Variants in ASTN2 observed in about 807,000 individuals in gnomAD.
ASTN2 encodes the protein astrotactin-2.
ASTN2 carries 54 observed loss-of-function variants against 139.8 expected under a neutral mutation model. The ratio of observed to expected loss-of-function variants is 0.39; its 90% CI spans 0.31 to 0.48. The LOEUF is 0.48. ASTN2 is among the 20% of genes least tolerant of loss of function. The pLI, the probability that ASTN2 is intolerant of heterozygous loss-of-function variation, is 0.95. For synonymous variants in ASTN2, 756 were observed against 719.5 expected (o/e 1.05, Z -0.81); for missense variants, 1,565 against 1,725.1 (o/e 0.91, Z 1.64).
At chr9:117,142,665 A>G (rs1353725973) in intron 3 of ASTN2, among the ~76,000 whole-genome samples, 1 of 152,216 alleles carries the variant, frequency 6.6e-6, no homozygotes, top group Non-Finnish European at 1.5e-5. Context: ...TAAGGTCAGA[A>G]GGGCAGAGAG....
chr9:116,934,221 C>A (rs974507074), intron 10 of ASTN2, among the ~76,000 whole-genome samples: 2 of 151,992 alleles, frequency 1.3e-5, no homozygotes, highest in African/African-American at 4.8e-5. Context: ...TGCCTTGGAT[C>A]AAAGAAGCCC....
intron 17 of ASTN2, among the ~76,000 whole-genome samples, chr9:116,631,275 T>C (rs1482657729): frequency 3.3e-5 from 5 of 152,216 alleles, no homozygotes; most frequent in Non-Finnish European, 7.3e-5. Flanking sequence ...GTCCTGTTTA[T>C]TGCAGTACTG....
chr9:117,079,517 A>G (rs145326194), intron 5 of ASTN2, among the ~76,000 whole-genome samples: 255 of 152,312 alleles, frequency 1.7e-3, no homozygotes, highest in African/African-American at 6.0e-3. Flanking sequence ...ACCATGATAC[A>G]AGGGGAAAGA....
chr9:117,164,575 G>C (rs900840485), intron 3 of ASTN2, among the ~76,000 whole-genome samples: 1 of 152,074 alleles, frequency 6.6e-6, no homozygotes, highest in South Asian at 2.1e-4. Flanking sequence ...CCTCCAGGTA[G>C]CCAGCAGGCT....
chr9:116,748,859 C>G (rs1829323256), intron 13 of ASTN2, among the ~76,000 whole-genome samples: 1 of 152,132 alleles, frequency 6.6e-6, no homozygotes, highest in Non-Finnish European at 1.5e-5. Flanking sequence ...TGTTTAAGTC[C>G]TGAGGTCATT....
chr9:116,794,109 T>G (rs1830626768), intron 13 of ASTN2, among the ~76,000 whole-genome samples: 1 of 150,760 alleles, frequency 6.6e-6, no homozygotes, highest in Non-Finnish European at 1.5e-5. Context: ...TTTTTTTTTT[T>G]TTTTTGAGAT....
intron 11 of ASTN2, among the ~76,000 whole-genome samples, chr9:116,835,092 G>A (rs1172408144): frequency 6.6e-6 from 1 of 152,066 alleles, no homozygotes; most frequent in Non-Finnish European, 1.5e-5. Context: ...TACATTTAAT[G>A]TGACCTGAAC....
At chr9:116,778,134 T>A (rs1003337166) in intron 13 of ASTN2, among the ~76,000 whole-genome samples, 1 of 152,168 alleles carries the variant, frequency 6.6e-6, no homozygotes, top group African/African-American at 2.4e-5. Flanking sequence ...GCCTGGCCTG[T>A]AAATTGCATT....
At chr9:117,114,034 A>G (rs921494815) in intron 4 of ASTN2, among the ~76,000 whole-genome samples, 2 of 152,204 alleles carry the variant, frequency 1.3e-5, no homozygotes, top group African/African-American at 2.4e-5. Context: ...CATGTAGAAA[A>G]ATATAAGTAA....
At chr9:116,739,690 C>A (rs1829048651) in intron 13 of ASTN2, among the ~76,000 whole-genome samples, 1 of 152,224 alleles carries the variant, frequency 6.6e-6, no homozygotes, top group African/African-American at 2.4e-5. Context: ...GGACACCTGT[C>A]TTTCCCACTA....
At chr9:116,902,798 A>T (rs1564332118) in intron 10 of ASTN2, among the ~76,000 whole-genome samples, 1 of 152,200 alleles carries the variant, frequency 6.6e-6, no homozygotes, top group Non-Finnish European at 1.5e-5. Flanking sequence ...AACTTAGGGT[A>T]GATACTGTTC....
intron 4 of ASTN2, among the ~76,000 whole-genome samples, chr9:117,115,023 C>A (rs1434460492): frequency 6.6e-6 from 1 of 152,082 alleles, no homozygotes; most frequent in African/African-American, 2.4e-5. Context: ...ATGAGACACC[C>A]CGAAGCAAGA....
intron 11 of ASTN2, among the ~76,000 whole-genome samples, chr9:116,852,173 C>G (rs1832624465): frequency 6.6e-6 from 1 of 152,164 alleles, no homozygotes; most frequent in Non-Finnish European, 1.5e-5. Flanking sequence ...CCTAGCTCAA[C>G]AAGCTCCTCT....
At chr9:117,077,287 C>T (rs905946375) in intron 5 of ASTN2, among the ~76,000 whole-genome samples, 1 of 152,148 alleles carries the variant, frequency 6.6e-6, no homozygotes, top group South Asian at 2.1e-4. Flanking sequence ...GTTCTGTCTC[C>T]TATCTGGGTG....
At chr9:117,343,280 T>G (rs1829115820) in intron 1 of ASTN2, among the ~76,000 whole-genome samples, 1 of 152,186 alleles carries the variant, frequency 6.6e-6, no homozygotes, top group African/African-American at 2.4e-5. Context: ...TCTGCTTCCC[T>G]TTTATCAGAA....
intron 19 of ASTN2, among the ~76,000 whole-genome samples, chr9:116,579,616 C>T (rs1484837290): frequency 6.6e-6 from 1 of 152,176 alleles, no homozygotes; most frequent in Non-Finnish European, 1.5e-5. Flanking sequence ...CGCAATGGTA[C>T]ATGCCTGTAG....
intron 16 of ASTN2, among the ~76,000 whole-genome samples, chr9:116,689,623 G>A (rs796205260): frequency 5.3e-5 from 8 of 152,216 alleles, no homozygotes; most frequent in African/African-American, 1.9e-4. Context: ...CCTTGCTAGG[G>A]CCTGCTTAGT....
chr9:117,117,589 G>T (rs1829429799), intron 4 of ASTN2, among the ~76,000 whole-genome samples: 2 of 152,244 alleles, frequency 1.3e-5, no homozygotes, highest in East Asian at 3.9e-4. Context: ...ACAAGTGTTG[G>T]CTAGAAGGAA....
intron 4 of ASTN2, among the ~76,000 whole-genome samples, chr9:117,137,278 A>G (rs911358554): frequency 2.9e-4 from 44 of 152,214 alleles, no homozygotes; most frequent in African/African-American, 1.0e-3. Context: ...CATGTGCTCA[A>G]TTCCATGGCA....
Sources: allele counts gnomAD v4.1 joint callset (sites outside exome capture counted in the v4.1 genomes callset), GRCh38; gene constraint gnomAD v4.1.1; transcripts MANE v1.5; gene names NCBI Gene and HGNC (gene_info 2026-07-23, HGNC 2026-07-21).